The following ELN variants were observed in gnomAD, a reference collection of about 807,000 sequenced individuals.
ELN encodes the protein tropoelastin.
ELN carries 65 observed loss-of-function variants against 105.8 expected under a neutral mutation model. The ratio of observed to expected loss-of-function variants is 0.61; its 90% CI spans 0.50 to 0.75. The LOEUF is 0.75. Among genes scored for constraint, ELN ranks in the 30% least tolerant of loss-of-function variants. The pLI, the probability that ELN is intolerant of heterozygous loss-of-function variation, is 0.00. For missense variants in ELN, 882 were observed against 969.4 expected (o/e 0.91, Z 1.20); for synonymous variants, 368 against 389.2 (o/e 0.95, Z 0.64).
chr7:74,035,779 T>A, intron 2 of ELN: 1 of 339,126 alleles, frequency 2.9e-6, no homozygotes, highest in Non-Finnish European at 5.7e-6. Context: ...AGTATAGAAA[T>A]TAAAAAAAAA....
intron 9 of ELN, among the ~76,000 whole-genome samples, chr7:74,044,452 G>A (rs539846484): frequency 6.6e-6 from 1 of 152,054 alleles, no homozygotes; most frequent in East Asian, 1.9e-4. Context: ...CCCCACCCAA[G>A]CCCTGATCCC....
intron 21 of ELN, among the ~76,000 whole-genome samples, chr7:74,056,991 A>G (rs1795386273): frequency 6.6e-6 from 1 of 151,534 alleles, no homozygotes; most frequent in Non-Finnish European, 1.5e-5. Context: ...TAATCCCAGC[A>G]CTTTGGGAGG....
intron 15 of ELN, among the ~76,000 whole-genome samples, chr7:74,050,738 C>T (rs1793859083): frequency 6.6e-6 from 1 of 152,098 alleles, no homozygotes. Context: ...CAAGAGTTCT[C>T]TTAGAGAATA....
chr7:74,047,613 A>C, intron 12 of ELN, 62 bp from the exon 13 acceptor site: 1 of 1,610,180 alleles, frequency 6.2e-7, no homozygotes, highest in Non-Finnish European at 8.5e-7. Context: ...CTGTCCACCC[A>C]GGTTGGTGGG....
At chr7:74,046,868 G>A in intron 12 of ELN, 101 bp downstream of exon 12, 2 of 1,336,796 alleles carry the variant, frequency 1.5e-6, no homozygotes, top group Non-Finnish European at 1.1e-6. Flanking sequence ...CAGATCACTT[G>A]AGGTCAGGAG....
chr7:74,065,639 G>C, intron 29 of ELN, 55 bp from the exon 30 acceptor site: 1 of 1,576,770 alleles, frequency 6.3e-7, no homozygotes, highest in Non-Finnish European at 8.7e-7. Flanking sequence ...AAAAAAGACA[G>C]GGCCTGACAG....
chr7:74,044,054 T>C, intron 9 of ELN, 134 bp downstream of exon 9: 1 of 1,227,118 alleles, frequency 8.1e-7, no homozygotes, highest in Admixed American at 2.0e-5. Flanking sequence ...GAGACCAGCC[T>C]GGGCATCATA....
chr7:74,061,612 A>G (rs1796673917), intron 26 of ELN, among the ~76,000 whole-genome samples: 1 of 152,208 alleles, frequency 6.6e-6, no homozygotes, highest in Admixed American at 6.5e-5. Flanking sequence ...AGATCACGCC[A>G]CTGCACTCCG....
chr7:74,036,644 A>G, intron 3 of ELN, 60 bp downstream of exon 3: 1 of 1,612,008 alleles, frequency 6.2e-7, no homozygotes, highest in Non-Finnish European at 8.5e-7. Flanking sequence ...CCCGAGCCAC[A>G]TGCATCCTCA....
Position 74,054,255 on chromosome 7 carries a change from G to A in ELN, c.1097-461G>A, listed in dbSNP as rs532940261. 7.2e-4 allele frequency among the ~76,000 whole-genome samples: 110 copies of A among 152,204 alleles called. 2 individuals are homozygous for A. In the South Asian group the frequency reaches 0.017, roughly 23 times the overall value. On this transcript the variant is annotated intron_variant, in intron 18 of 32. Coordinates refer to ENST00000252034, the MANE Select transcript of ELN (RefSeq NM_000501.4). ...GGCCAAGGTGGGCGGATCACCTGAGGTGAGGAGTTCGAGACCAGCCTGGCC... is the reference window on the plus strand; with the variant it reads ...GGCCAAGGTGGGCGGATCACCTGAGATGAGGAGTTCGAGACCAGCCTGGCC...
At chr7:74,050,560 T>C (rs1338248792) in intron 15 of ELN, among the ~76,000 whole-genome samples, 1 of 152,180 alleles carries the variant, frequency 6.6e-6, no homozygotes, top group Non-Finnish European at 1.5e-5. Flanking sequence ...CATCCATCCA[T>C]CCATTCCTCC....
At chr7:74,057,766 G>T in intron 22 of ELN, 70 bp downstream of exon 22, 1 of 1,563,010 alleles carries the variant, frequency 6.4e-7, no homozygotes, top group South Asian at 1.1e-5. Flanking sequence ...TCTGGGGTCT[G>T]ACCGCCCAGC....
chr7:74,052,190 C>T (rs1488970207), intron 17 of ELN: 1 of 624,964 alleles, frequency 1.6e-6, no homozygotes, highest in African/African-American at 1.8e-5. Context: ...GGGAGGGGAC[C>T]CTGCAGAGGG....
Position 74,028,212 on chromosome 7 carries a change from C to T in ELN, c.25C>T (p.Pro9Ser). The T allele has an allele frequency of 6.2e-7, 1 of 1,611,434 alleles. No individual in the cohort carries two copies. The highest frequency in any genetic ancestry group is 1.1e-5 in the South Asian group (1 of 90,956). The change falls in exon 1 of 33, where the codon CCG (proline) becomes TCG (serine). Residue 9 changes from proline (P) to serine (S), a missense_variant. Transcript: ENST00000252034. The part of the protein sequence containing the change: MAGLTAAA[P>S]RPGVLLLLLS... ...GATGGCGGGTCTGACGGCGGCGGCC[C>T]CGCGGCCCGGAGTCCTCCTGCTCCT...
Position 74,057,815 on chromosome 7 carries a change from T to C in ELN, c.1414+119T>C, listed in dbSNP as rs528878137. On this transcript the variant is annotated intron_variant, in intron 22 of 32. Coordinates refer to ENST00000252034, the MANE Select transcript of ELN (RefSeq NM_000501.4). ...CCACCCCACTTAAGCTGTCACATTC[T>C]GGGGTGGGCCCTCCTTAGACCTTTT... is the stretch of plus-strand genomic sequence containing the variant. 192 of 1,187,662 alleles carry C rather than the reference T, an allele frequency of 1.6e-4. 2 individuals are homozygous for C. In the South Asian group the frequency reaches 2.3e-3, roughly 14 times the overall value. 73.6% of individuals were successfully genotyped at this position (1,187,662 alleles called of 1,614,324 possible).
intron 32 of ELN, among the ~76,000 whole-genome samples, chr7:74,067,933 CAAAAA>C (rs782107951): frequency 5.0e-5 from 1 of 19,886 alleles, no homozygotes; most frequent in South Asian, 2.1e-3. Context: ...GATTGCGTCT[CAAAAA>C]AAAAAAAAAA....
At chr7:74,036,400 G>T (rs1554665667) in intron 2 of ELN, among the ~76,000 whole-genome samples, 155 bp from the exon 3 acceptor site, 1 of 151,992 alleles carries the variant, frequency 6.6e-6, no homozygotes, top group African/African-American at 2.4e-5. Flanking sequence ...TGGACTACTG[G>T]CCAAGCAGAA....
At position 74,056,644 on chromosome 7, in the gene ELN, G is replaced by T. The variant is rs782283663; in HGVS notation, c.1316-28G>T. The T allele has an allele frequency of 5.6e-6, 9 of 1,613,824 alleles. No individual in the cohort carries two copies. The Admixed American group carries it at 1.3e-4, about 24-fold the overall frequency. On this transcript the variant is annotated intron_variant, in intron 20 of 32. Transcript: ENST00000252034. ...AGGAGACCCAGGCACGGCTTCTGAG[G>T]GTCTCTTTCTTTCTCGTTTCCTTGT... is the stretch of plus-strand genomic sequence containing the variant.
In ELN at chr7:74,063,598, C is replaced by G; in HGVS notation, c.1919-23C>G. The G allele has an allele frequency of 5.6e-6, 9 of 1,614,144 alleles. No individual in the cohort carries two copies. Among genetic ancestry groups the G allele is most frequent in the Non-Finnish European group, 7.6e-6 (9 of 1,180,000 alleles). ...GTCCCACCTTTCTGACCAGCGGAGT[C>G]TAATGCTCAGCTGTCTCCACAGGCC... is the stretch of plus-strand genomic sequence containing the variant. On this transcript the variant is annotated intron_variant, in intron 28 of 32. Coordinates refer to ENST00000252034, the MANE Select transcript of ELN (RefSeq NM_000501.4). The surrounding 1 kb of genome is among the most constrained non-coding windows in gnomAD (Gnocchi z 4.1).
Sources: gnomAD v4.1 joint callset for allele counts (sites outside exome capture counted in the v4.1 genomes callset) on GRCh38, gnomAD v4.1.1 for gene constraint, Gnocchi (gnomAD v3.1) non-coding constraint, MANE v1.5 for transcripts, NCBI Gene and HGNC (gene_info 2026-07-23, HGNC 2026-07-21) for gene names.